The following UTRN variants were observed in gnomAD, a reference collection of about 807,000 sequenced individuals.
The protein encoded by UTRN is utrophin.
UTRN carries 283 observed loss-of-function variants against 463.9 expected under a neutral mutation model. That is an observed-to-expected ratio of 0.61 (90% confidence interval 0.55 to 0.67). The LOEUF (loss-of-function observed/expected upper bound fraction) is 0.67, where lower values mean the gene tolerates loss of function less well. Among genes scored for constraint, UTRN ranks in the 30% least tolerant of loss-of-function variants. The probability of loss-of-function intolerance (pLI) is 0.00; values close to 1 mark genes in which losing one functional copy is unlikely to be tolerated. For synonymous variants in UTRN, 1,442 were observed against 1,431.5 expected (o/e 1.01, Z -0.17); for missense variants, 3,922 against 4,084.3 (o/e 0.96, Z 1.08).
In UTRN at chr6:144,560,293, T is replaced by TCAGC. The variant is rs1799746761; in HGVS notation, c.7289+2984_7289+2987dup. Among the ~76,000 whole-genome samples, 3 of 152,276 alleles carry TCAGC rather than the reference T, an allele frequency of 2.0e-5. No individual in the cohort carries two copies. The South Asian group carries it at 6.2e-4, about 32-fold the overall frequency. ...CATTTTTGTTCTTTGAATCAGACTG[T>TCAGC]CAGCCGTTGCTGACATTCTTGGTGA... On this transcript the variant is annotated intron_variant, in intron 50 of 74. Coordinates refer to ENST00000367545, the MANE Select transcript of UTRN (RefSeq NM_007124.3).
At position 144,789,937 on chromosome 6, in the gene UTRN, ACC is replaced by A. The variant is rs1201533493; in HGVS notation, c.8920+659_8920+660del. Among the ~76,000 whole-genome samples, 3 of 152,264 alleles carry A rather than the reference ACC, an allele frequency of 2.0e-5. No individual in the cohort carries two copies. The East Asian group carries it at 5.8e-4, about 29-fold the overall frequency. On this transcript the variant is annotated intron_variant, in intron 62 of 74. Coordinates refer to ENST00000367545, the MANE Select transcript of UTRN (RefSeq NM_007124.3). ...AGACTTGTGTTCAGGAGCCAAGGAGACCTGTCTTCAAATCTCTACCACTTAGT... is the reference window on the plus strand; with the variant it reads ...AGACTTGTGTTCAGGAGCCAAGGAGATGTCTTCAAATCTCTACCACTTAGT...
At chr6:144,696,634 A>G (rs984629666) in intron 52 of UTRN, among the ~76,000 whole-genome samples, 1 of 152,118 alleles carries the variant, frequency 6.6e-6, no homozygotes, top group Non-Finnish European at 1.5e-5. Context: ...TTATAACCCA[A>G]TTTATAGTTT....
At chr6:144,371,755 A>G (rs1780006466) in intron 2 of UTRN, among the ~76,000 whole-genome samples, 1 of 152,200 alleles carries the variant, frequency 6.6e-6, no homozygotes, top group Non-Finnish European at 1.5e-5. Flanking sequence ...AAATAAGGGT[A>G]GAAGAAGGAG....
intron 5 of UTRN, among the ~76,000 whole-genome samples, 176 bp from the exon 6 acceptor site, chr6:144,423,810 T>C (rs1785064078): frequency 6.6e-6 from 1 of 152,224 alleles, no homozygotes; most frequent in Non-Finnish European, 1.5e-5. Context: ...GCTGTATTGA[T>C]CTGTAGTATA....
At chr6:144,570,557 C>A (rs1800844772) in intron 50 of UTRN, among the ~76,000 whole-genome samples, 1 of 152,292 alleles carries the variant, frequency 6.6e-6, no homozygotes, top group South Asian at 2.1e-4. Flanking sequence ...GTAGACATCT[C>A]TTACAAAACA....
chr6:144,524,579 G>A (rs1489447684), intron 41 of UTRN, among the ~76,000 whole-genome samples: 1 of 152,074 alleles, frequency 6.6e-6, no homozygotes, highest in African/African-American at 2.4e-5. Flanking sequence ...CCAGTTCTAG[G>A]AGCTTTTTGG....
At chr6:144,696,306 C>T (rs903607177) in intron 52 of UTRN, among the ~76,000 whole-genome samples, 1 of 151,976 alleles carries the variant, frequency 6.6e-6, no homozygotes, top group African/African-American at 2.4e-5. Context: ...TAGAAATTAT[C>T]TATATCTACA....
intron 50 of UTRN, among the ~76,000 whole-genome samples, chr6:144,564,153 A>T (rs1800182843): frequency 6.6e-6 from 1 of 152,160 alleles, no homozygotes; most frequent in Admixed American, 6.6e-5. Context: ...GCATAGGGGG[A>T]GCCTGCAATG....
intron 51 of UTRN, among the ~76,000 whole-genome samples, chr6:144,650,776 G>GC (rs1339001470): frequency 6.6e-6 from 1 of 152,084 alleles, no homozygotes; most frequent in Non-Finnish European, 1.5e-5. Context: ...AGGTGTGGTG[G>GC]CACGAGCCTG....
At position 144,706,016 on chromosome 6, in the gene UTRN, T is replaced by C. The variant is rs564363216; in HGVS notation, c.7809+5773T>C. Reference sequence around the variant, plus strand: ...TGGTACCTACCCGTAATTATTTATCTTACTGAACATCATCAGTCATAATTA... The same window carrying C: ...TGGTACCTACCCGTAATTATTTATCCTACTGAACATCATCAGTCATAATTA... On this transcript the variant is annotated intron_variant, in intron 53 of 74. Coordinates refer to ENST00000367545, the MANE Select transcript of UTRN (RefSeq NM_007124.3). Among the ~76,000 whole-genome samples, 95 of 152,182 alleles carry C rather than the reference T, an allele frequency of 6.2e-4. 1 individual carries two copies. Among genetic ancestry groups the C allele is most frequent in the South Asian group, 1.0e-3 (5 of 4,828 alleles).
intron 51 of UTRN, among the ~76,000 whole-genome samples, chr6:144,589,588 A>T (rs901807453): frequency 6.6e-6 from 1 of 152,222 alleles, no homozygotes; most frequent in Admixed American, 6.5e-5. Flanking sequence ...GTCACTCAGT[A>T]TAGAAGATAT....
At position 144,388,090 on chromosome 6, in the gene UTRN, A is replaced by G. The variant is rs117067451; in HGVS notation, c.80-15033A>G. Among the ~76,000 whole-genome samples, 1,470 of 152,350 alleles carry G rather than the reference A, an allele frequency of 9.6e-3. 14 individuals carry two copies. The highest frequency in any genetic ancestry group is 0.02 in the Middle Eastern group (6 of 294). ...CGTATTTATTACAAACTTAGAAAAT[A>G]TGGCTAACAAATAATAGAATATAAG... On this transcript the variant is annotated intron_variant, in intron 2 of 74. Transcript: ENST00000367545.
chr6:144,852,212 C>T lies in UTRN; in HGVS notation c.*1215C>T, dbSNP rs186977271. ...TCAAAAGTCTATGTCACTGCTTCTA[C>T]AGAAGAATGAAATTAATGCTTAGGT... On this transcript the variant is annotated 3_prime_UTR_variant, in exon 75 of 75. Transcript: ENST00000367545. 7.3e-4 allele frequency: 111 copies of T among 152,210 alleles called. No individual in the cohort carries two copies. Among genetic ancestry groups the T allele is most frequent in the African/African-American group, 2.6e-3 (108 of 41,532 alleles). 9.4% of individuals were successfully genotyped at this position (152,210 alleles called of 1,614,324 possible).
intron 2 of UTRN, among the ~76,000 whole-genome samples, chr6:144,332,616 G>A (rs1014761258): frequency 5.3e-5 from 8 of 152,050 alleles, no homozygotes; most frequent in Non-Finnish European, 1.2e-4. Context: ...AGGGAAGAGA[G>A]AACTCCTACT....
At chr6:144,681,805 T>G (rs1372144842) in intron 52 of UTRN, among the ~76,000 whole-genome samples, 1 of 152,162 alleles carries the variant, frequency 6.6e-6, no homozygotes, top group Non-Finnish European at 1.5e-5. Flanking sequence ...TTTACAGAGA[T>G]TAGATATGGC....
chr6:144,495,659 G>A (rs989571353), intron 33 of UTRN, among the ~76,000 whole-genome samples: 2 of 152,246 alleles, frequency 1.3e-5, no homozygotes, highest in African/African-American at 2.4e-5. Context: ...AGGAGGCGCC[G>A]AGAGCGAGCG....
intron 51 of UTRN, among the ~76,000 whole-genome samples, chr6:144,632,201 G>A: frequency 6.6e-6 from 1 of 152,178 alleles, no homozygotes; most frequent in East Asian, 1.9e-4. Flanking sequence ...ACTAAGTTAT[G>A]AAAATGGATC....
chr6:144,331,732 G>C (rs1468649335), intron 2 of UTRN, among the ~76,000 whole-genome samples: 1 of 152,142 alleles, frequency 6.6e-6, no homozygotes, highest in African/African-American at 2.4e-5. Context: ...GTGTGCTCAT[G>C]ATACATACTA....
At chr6:144,474,488 A>G in intron 24 of UTRN, 116 bp from the exon 25 acceptor site, 1 of 1,086,388 alleles carries the variant, frequency 9.2e-7, no homozygotes. Flanking sequence ...AGTTAGAAGT[A>G]CTGACTCTTA....
Sources: allele counts gnomAD v4.1 joint callset (sites outside exome capture counted in the v4.1 genomes callset), GRCh38; gene constraint gnomAD v4.1.1; transcripts MANE v1.5; gene names NCBI Gene and HGNC (gene_info 2026-07-23, HGNC 2026-07-21).